Variants in BCAS3 observed in about 807,000 individuals in gnomAD.
The protein encoded by BCAS3 is BCAS3 microtubule associated cell migration factor, also known as BCAS4/BCAS3 fusion.
In BCAS3, 53 loss-of-function variants were observed where a neutral mutation model predicts 116.1. The ratio of observed to expected loss-of-function variants is 0.46; its 90% CI spans 0.37 to 0.57. The LOEUF is 0.57. Ranked by LOEUF, BCAS3 falls within the 20% of genes least tolerant of loss-of-function variation. The probability of loss-of-function intolerance (pLI) is 0.00; values close to 1 mark genes in which losing one functional copy is unlikely to be tolerated. For synonymous variants in BCAS3, 391 were observed against 408.2 expected, an observed-to-expected ratio of 0.96 and a Z score of 0.51; for missense variants, 917 against 1,165.4, an observed-to-expected ratio of 0.79 and a Z score of 3.10.
At chr17:61,382,253 T>C (rs1460251426) in intron 23 of BCAS3, among the ~76,000 whole-genome samples, 1 of 147,044 alleles carries the variant, frequency 6.8e-6, no homozygotes, top group Non-Finnish European at 1.5e-5. Context: ...AGTTTTTGTT[T>C]TTTGGCTTTT....
intron 19 of BCAS3, among the ~76,000 whole-genome samples, chr17:61,047,604 A>G (rs955012106): frequency 3.3e-5 from 5 of 152,044 alleles, no homozygotes; most frequent in African/African-American, 7.2e-5. Context: ...AAAATTACAT[A>G]CTATATTGCC....
Position 60,902,713 on chromosome 17 carries a change from T to C in BCAS3, c.822+10T>C, listed in dbSNP as rs1051936509. 6.3e-7 allele frequency: 1 copy of C among 1,581,622 alleles called. No individual in the cohort carries two copies. On this transcript the variant is annotated intron_variant, in intron 11 of 23. Coordinates refer to ENST00000407086, the MANE Select transcript of BCAS3 (RefSeq NM_017679.5). ...CATTAGTGCTGCTAAAGTGAGTACC[T>C]CCGAAATCTTGGAGAGTTGTGGTTA...
rs561009364 is a variant in BCAS3, at chr17:60,934,513, C to T, written c.1087+10013C>T. Among the ~76,000 whole-genome samples the T allele has an allele frequency of 2.0e-5, 3 of 152,298 alleles. No homozygotes were observed. In the South Asian group the frequency reaches 6.2e-4, roughly 32 times the overall value. ...AAAGAAGGATCTGTATAGTCAGGTA[C>T]ATACATGCAAAGCAGCTGTTGATTT... On this transcript the variant is annotated intron_variant, in intron 13 of 23. Transcript: ENST00000407086.
chr17:60,982,590 C>CT (rs2062880363), intron 14 of BCAS3, among the ~76,000 whole-genome samples: 1 of 152,172 alleles, frequency 6.6e-6, no homozygotes, highest in Non-Finnish European at 1.5e-5. Context: ...AGTTTTTCCT[C>CT]TCTCTACTGT....
chr17:60,906,955 C>T (rs933192985), intron 11 of BCAS3, among the ~76,000 whole-genome samples: 6 of 152,098 alleles, frequency 3.9e-5, no homozygotes, highest in Non-Finnish European at 8.8e-5. Context: ...CCGATGACAG[C>T]TTCCCTTGTG....
chr17:61,312,335 C>A (rs2054380924), intron 22 of BCAS3, among the ~76,000 whole-genome samples: 1 of 152,166 alleles, frequency 6.6e-6, no homozygotes, highest in African/African-American at 2.4e-5. Context: ...CCAGTAGATG[C>A]CAGTTCTCCC....
rs1401732364 is a variant in BCAS3, at chr17:61,347,770, G to A, written c.2426-20557G>A. 6.6e-6 allele frequency among the ~76,000 whole-genome samples: 1 copy of A among 152,186 alleles called. No individual in the cohort carries two copies. Among genetic ancestry groups the A allele is most frequent in the Non-Finnish European group, 1.5e-5 (1 of 68,042 alleles). On this transcript the variant is annotated intron_variant, in intron 22 of 23. Transcript: ENST00000407086. This position sits in a 1 kb window ranked among gnomAD's most constrained non-coding sequence, Gnocchi z 4.3. ...AGGAAGACCTAAGTCAGACCCAGAA[G>A]GGGAGTGGTAGACTTTTCCGGCTGA...
At position 61,084,357 on chromosome 17, in the gene BCAS3, G is replaced by T; in HGVS notation, c.2328-110G>T. The T allele has an allele frequency of 1.3e-6, 1 of 788,606 alleles. No homozygotes were observed. The highest frequency in any genetic ancestry group is 2.0e-6 in the Non-Finnish European group (1 of 501,666). The allele number at this position is 788,606 out of a possible 1,614,324, so 48.9% of individuals were successfully genotyped here. ...CTGTTTGTCTTGTTTTAGAATGGAT[G>T]GTTCTTTAATGGATTGTGCTACTCC... On this transcript the variant is annotated intron_variant, in intron 21 of 23. Coordinates refer to ENST00000407086, the MANE Select transcript of BCAS3 (RefSeq NM_017679.5). This position sits in a 1 kb window ranked among gnomAD's most constrained non-coding sequence, Gnocchi z 5.5.
intron 15 of BCAS3, among the ~76,000 whole-genome samples, chr17:61,011,995 A>C (rs1302553845): frequency 1.3e-5 from 2 of 152,168 alleles, no homozygotes; most frequent in Non-Finnish European, 2.9e-5. Context: ...CTAGAAAAGC[A>C]AAATAAAAAG....
rs984278609 is a variant in BCAS3 at position 61,306,705 on chromosome 17, G to C, written c.2426-61622G>C. On this transcript the variant is annotated intron_variant, in intron 22 of 23. Coordinates refer to ENST00000407086, the MANE Select transcript of BCAS3 (RefSeq NM_017679.5). The stretch of plus-strand genomic sequence containing the variant: ...GCAGGAGGATCGCTTGAGCCCAGGA[G>C]CTCAAGGCTGCGGTGAGCTGTGTGA... Among the ~76,000 whole-genome samples the C allele has an allele frequency of 2.0e-5, 3 of 152,108 alleles. No individual in the cohort carries two copies. The South Asian group carries it at 6.2e-4, about 32-fold the overall frequency.
At chr17:60,966,578 C>T (rs1363326234) in intron 14 of BCAS3, among the ~76,000 whole-genome samples, 1 of 151,042 alleles carries the variant, frequency 6.6e-6, no homozygotes, top group Non-Finnish European at 1.5e-5. Flanking sequence ...TACAACTTAT[C>T]TTAGATCACA....
chr17:61,036,556 C>A (rs192658159), intron 17 of BCAS3, among the ~76,000 whole-genome samples: 24 of 152,242 alleles, frequency 1.6e-4, no homozygotes, highest in Non-Finnish European at 3.1e-4. Flanking sequence ...GTTCTAATTA[C>A]CTTTTTAACT....
chr17:61,180,838 A>G lies in BCAS3; in HGVS notation c.2425+96274A>G, dbSNP rs1242260665. Among the ~76,000 whole-genome samples the G allele has an allele frequency of 6.6e-6, 1 of 152,244 alleles. No individual in the cohort carries two copies. ...ACCATGTAGAGCCTGAGAATAGAATATAAGCTTCATGAGGACAGGGTCTTA... is the reference window on the plus strand; with the variant it reads ...ACCATGTAGAGCCTGAGAATAGAATGTAAGCTTCATGAGGACAGGGTCTTA... On this transcript the variant is annotated intron_variant, in intron 22 of 23. Coordinates refer to ENST00000407086, the MANE Select transcript of BCAS3 (RefSeq NM_017679.5). The surrounding 1 kb of genome is among the most constrained non-coding windows in gnomAD (Gnocchi z 6.0).
At chr17:61,046,788 T>G (rs377103904) in intron 19 of BCAS3, among the ~76,000 whole-genome samples, 41 of 152,108 alleles carry the variant, frequency 2.7e-4, no homozygotes, top group African/African-American at 6.3e-4. Flanking sequence ...AGCATTTTTT[T>G]TGTGTGTGTT....
In BCAS3 at chr17:61,198,299, C is replaced by T. The variant is rs1156930200; in HGVS notation, c.2425+113735C>T. Among the ~76,000 whole-genome samples, 1 of 152,008 alleles carries T rather than the reference C, an allele frequency of 6.6e-6. No individual in the cohort carries two copies. The highest frequency in any genetic ancestry group is 1.5e-5 in the Non-Finnish European group (1 of 68,010). The stretch of plus-strand genomic sequence containing the variant: ...GGGACTACAGGCGCCAGCCACCACA[C>T]CCAGCTAATTTTTTGCATTTTTAGT... On this transcript the variant is annotated intron_variant, in intron 22 of 23. Transcript: ENST00000407086. The surrounding 1 kb of genome is among the most constrained non-coding windows in gnomAD (Gnocchi z 5.0).
At chr17:60,777,600 TG>T (rs1243600996) in intron 6 of BCAS3, among the ~76,000 whole-genome samples, 1 of 152,058 alleles carries the variant, frequency 6.6e-6, no homozygotes, top group Non-Finnish European at 1.5e-5. Flanking sequence ...CACTCCAGCC[TG>T]GGTGACAGAG....
intron 22 of BCAS3, among the ~76,000 whole-genome samples, chr17:61,277,598 T>A (rs539048821): frequency 6.6e-6 from 1 of 150,966 alleles, no homozygotes; most frequent in African/African-American, 2.5e-5. Context: ...ATCATATATC[T>A]GATAAGGGAC....
At position 61,161,817 on chromosome 17, in the gene BCAS3, C is replaced by T. The variant is rs1026998239; in HGVS notation, c.2425+77253C>T. ...TCTCCTCAGCTTATATTTAACTCGTCGCTTGTTCTGGAAAAGTAGTAGTAC... is the reference window on the plus strand; with the variant it reads ...TCTCCTCAGCTTATATTTAACTCGTTGCTTGTTCTGGAAAAGTAGTAGTAC... On this transcript the variant is annotated intron_variant, in intron 22 of 23. Transcript: ENST00000407086. The surrounding 1 kb of genome is among the most constrained non-coding windows in gnomAD (Gnocchi z 4.8). 1.3e-5 allele frequency among the ~76,000 whole-genome samples: 2 copies of T among 152,128 alleles called. No homozygotes were observed. The highest frequency in any genetic ancestry group is 1.5e-5 in the Non-Finnish European group (1 of 68,028).
At chr17:61,267,415 A>T (rs2144612307) in intron 22 of BCAS3, among the ~76,000 whole-genome samples, 1 of 151,694 alleles carries the variant, frequency 6.6e-6, no homozygotes, top group African/African-American at 2.4e-5. Context: ...TTAAGTCATG[A>T]TGTCAAGACT....
Sources: allele counts gnomAD v4.1 joint callset (sites outside exome capture counted in the v4.1 genomes callset), GRCh38; gene constraint gnomAD v4.1.1; non-coding constraint Gnocchi (gnomAD v3.1); transcripts MANE v1.5; gene names NCBI Gene and HGNC (gene_info 2026-07-23, HGNC 2026-07-21).